Variants in KHDC1 observed in about 807,000 individuals in gnomAD.
KHDC1 encodes the protein KH domain containing 1, also known as KH homology domain-containing protein 1.
Under a neutral mutation model 24.7 loss-of-function variants are expected in KHDC1, and 21 were observed. The observed-to-expected ratio is 0.85, with a 90% confidence interval of 0.60 to 1.23. KHDC1 has a LOEUF of 1.23. Among genes scored for constraint, KHDC1 ranks in the 50% most tolerant of loss-of-function variants. The pLI is 0.00. For synonymous variants in KHDC1, 98 were observed against 111.7 expected, an observed-to-expected ratio of 0.88 and a Z score of 0.77; for missense variants, 274 against 298.5, an observed-to-expected ratio of 0.92 and a Z score of 0.61.
intron 2 of KHDC1, among the ~76,000 whole-genome samples, chr6:73,282,628 C>T (rs1312848084): frequency 6.6e-6 from 1 of 152,168 alleles, no homozygotes; most frequent in Non-Finnish European, 1.5e-5. Flanking sequence ...TTCAGACCCT[C>T]CCTAAACTGC....
At chr6:73,271,532 T>C (rs762735753) in intron 2 of KHDC1, among the ~76,000 whole-genome samples, 3 of 151,896 alleles carry the variant, frequency 2.0e-5, no homozygotes, top group Non-Finnish European at 4.4e-5. Context: ...ATTATGAGTC[T>C]AAGTCAAAAA....
In KHDC1 at chr6:73,308,101, G is replaced by A. The variant is rs145599834; in HGVS notation, c.163+1451C>T. ...TTTTTTTTTTTTTTTTTGAGACAGA[G>A]TCTGGCTCAGTTGCCCAGACTGGAG... On this transcript the variant is annotated intron_variant, in intron 1 of 4. Coordinates refer to ENST00000370384, the Ensembl canonical transcript of KHDC1. Among the ~76,000 whole-genome samples, 397 of 129,726 alleles carry A rather than the reference G, an allele frequency of 3.1e-3. 3 individuals are homozygous for A. Among genetic ancestry groups the A allele is most frequent in the African/African-American group, 0.011 (376 of 33,172 alleles). The allele number at this position is 129,726 out of a possible 152,430, so 85.1% of individuals were successfully genotyped here.
chr6:73,262,078 CAA>C (rs567769174), intron 2 of KHDC1, among the ~76,000 whole-genome samples: 2 of 139,454 alleles, frequency 1.4e-5, no homozygotes, highest in African/African-American at 2.6e-5. Flanking sequence ...AGGCCCTTCT[CAA>C]AAAAAAAAAA....
chr6:73,302,548 A>G (rs1420698861), intron 1 of KHDC1, among the ~76,000 whole-genome samples: 1 of 152,194 alleles, frequency 6.6e-6, no homozygotes, highest in African/African-American at 2.4e-5. Context: ...CTGTAATACA[A>G]TGGGTAGTAC....
rs1472738233 is a variant in KHDC1 at position 73,242,634 on chromosome 6, C to T, written c.207-104G>A. The T allele has an allele frequency of 1.3e-5, 18 of 1,418,984 alleles. No individual in the cohort carries two copies. In the East Asian group the frequency reaches 2.7e-4, roughly 21 times the overall value. 87.9% of individuals were successfully genotyped at this position (1,418,984 alleles called of 1,614,324 possible). A position where few individuals can be genotyped will look rare whatever the true frequency, so the allele number is the denominator to read the frequency against. On this transcript the variant is annotated intron_variant, in intron 2 of 4. Transcript: ENST00000370384. ...CTTAACATAGGAACCCAACAACCTG[C>T]CCCTTGAACTACCTTAGGGTGGGTG...
intron 2 of KHDC1, among the ~76,000 whole-genome samples, chr6:73,260,394 T>G (rs1236078441): frequency 6.6e-6 from 1 of 152,210 alleles, no homozygotes; most frequent in Non-Finnish European, 1.5e-5. Flanking sequence ...TTATACCTAG[T>G]AAGCAATCAA....
chr6:73,280,242 T>C (rs1767378607), intron 2 of KHDC1, among the ~76,000 whole-genome samples: 1 of 152,168 alleles, frequency 6.6e-6, no homozygotes, highest in South Asian at 2.1e-4. Context: ...CTACAGCCTC[T>C]ACCTACCCAT....
chr6:73,295,434 G>A (rs149762589), intron 1 of KHDC1, among the ~76,000 whole-genome samples: 35 of 152,296 alleles, frequency 2.3e-4, no homozygotes, highest in Middle Eastern at 3.4e-3. Context: ...GGGCACAGTG[G>A]CTCACGCCTG....
chr6:73,252,795 C>A (rs146108522), intron 2 of KHDC1, among the ~76,000 whole-genome samples: 180 of 149,618 alleles, frequency 1.2e-3, no homozygotes, highest in African/African-American at 4.2e-3. Flanking sequence ...GCTGCCTGGG[C>A]AACAGAGTGA....
intron 2 of KHDC1, among the ~76,000 whole-genome samples, chr6:73,288,369 C>G (rs1172349235): frequency 6.6e-6 from 1 of 152,142 alleles, no homozygotes; most frequent in Non-Finnish European, 1.5e-5. Context: ...GCTTGTAATC[C>G]CACCACTTTG....
intron 2 of KHDC1, among the ~76,000 whole-genome samples, chr6:73,278,632 T>G (rs867939157): frequency 3.2e-4 from 49 of 152,242 alleles, no homozygotes; most frequent in African/African-American, 1.1e-3. Context: ...TCCATTCAAC[T>G]TTTTCATTAT....
intron 2 of KHDC1, among the ~76,000 whole-genome samples, chr6:73,282,396 T>G (rs530283295): frequency 2.2e-4 from 33 of 152,108 alleles, no homozygotes; most frequent in African/African-American, 8.0e-4. Context: ...TCTAACCAAC[T>G]CCATCTTGCT....
chr6:73,281,765 C>T (rs1264300994), intron 2 of KHDC1, among the ~76,000 whole-genome samples: 2 of 151,938 alleles, frequency 1.3e-5, no homozygotes, highest in Non-Finnish European at 2.9e-5. Context: ...TAGTTTTTAC[C>T]TAAGGTCCTT....
intron 2 of KHDC1, among the ~76,000 whole-genome samples, chr6:73,248,675 T>A (rs1445687455): frequency 1.3e-5 from 2 of 152,184 alleles, no homozygotes; most frequent in Non-Finnish European, 2.9e-5. Flanking sequence ...CAACTTAATC[T>A]CCCTCTTCCA....
chr6:73,291,210 C>G (rs576476453), intron 2 of KHDC1: 3 of 458,336 alleles, frequency 6.5e-6, no homozygotes, highest in Admixed American at 2.3e-5. Flanking sequence ...AATGACTGGT[C>G]TGCAACTTCC....
Position 73,241,563 on chromosome 6 carries a change from C to T in KHDC1, c.680G>A (p.Cys227Tyr), listed in dbSNP as rs780480838. ...CAGTGAACTCAAATGGAAACCCGAA[C>T]AACCAATCACTTGGTAAGGGGAAGG... Residue 227 changes from cysteine (C) to tyrosine (Y), a missense_variant, in exon 5 of 5, where the codon TGT becomes TAT. By Grantham distance (194) the Cys-to-Tyr change is radical. Transcript: ENST00000370384. 3.0e-5 allele frequency: 49 copies of T among 1,614,048 alleles called. No homozygotes were observed. The highest frequency in any genetic ancestry group is 3.5e-5 in the Non-Finnish European group (41 of 1,180,038).
At chr6:73,309,329 T>G (rs1768035965) in intron 1 of KHDC1, among the ~76,000 whole-genome samples, 1 of 152,190 alleles carries the variant, frequency 6.6e-6, no homozygotes, top group Admixed American at 6.5e-5. Context: ...CACCTTTGGT[T>G]GCTTCTAGCC....
At chr6:73,263,416 G>T in intron 2 of KHDC1, 1 of 427,178 alleles carries the variant, frequency 2.3e-6, no homozygotes, top group South Asian at 9.7e-5. Flanking sequence ...GGAGCTGCTT[G>T]GTGAGTGGCC....
intron 2 of KHDC1, among the ~76,000 whole-genome samples, chr6:73,260,956 C>T (rs1766969177): frequency 6.6e-6 from 1 of 152,118 alleles, no homozygotes; most frequent in African/African-American, 2.4e-5. Context: ...GATGTTAATT[C>T]TTTGTGCACT....
Sources: allele counts gnomAD v4.1 joint callset (sites outside exome capture counted in the v4.1 genomes callset), GRCh38; gene constraint gnomAD v4.1.1; transcripts MANE v1.5; gene names NCBI Gene and HGNC (gene_info 2026-07-23, HGNC 2026-07-21).